The following ATP8A1 variants were observed in gnomAD, a reference collection of about 807,000 sequenced individuals.
ATP8A1 encodes the protein ATPase phospholipid transporting 8A1.
A neutral mutation model predicts 177.7 loss-of-function variants in ATP8A1; 90 were observed. The observed-to-expected ratio is 0.51, with a 90% CI of 0.43 to 0.60. ATP8A1 has a LOEUF of 0.60. Ranked by LOEUF, ATP8A1 falls within the 20% of genes least tolerant of loss-of-function variation. The probability of loss-of-function intolerance (pLI) is 0.00; values close to 1 mark genes in which losing one functional copy is unlikely to be tolerated. For missense variants in ATP8A1, 1,072 were observed against 1,392.8 expected, an observed-to-expected ratio of 0.77 and a Z score of 3.67; for synonymous variants, 493 against 485.9, an observed-to-expected ratio of 1.01 and a Z score of -0.19.
rs773162461 is a variant in ATP8A1, at chr4:42,544,021, T to C, written c.1653-35A>G. The C allele has an allele frequency of 3.2e-6, 5 of 1,538,572 alleles. No individual in the cohort carries two copies. In the East Asian group the frequency reaches 9.0e-5, roughly 28 times the overall value. On this transcript the variant is annotated intron_variant, in intron 19 of 36. Transcript: ENST00000381668. ...AGAGGTTTTGCATAATGTGTCATCATACCAAGGATATGCATGTATGTGTTT... is the reference window on the plus strand; with the variant it reads ...AGAGGTTTTGCATAATGTGTCATCACACCAAGGATATGCATGTATGTGTTT...
intron 33 of ATP8A1, among the ~76,000 whole-genome samples, chr4:42,424,068 T>C (rs1359581149): frequency 2.0e-5 from 3 of 152,144 alleles, no homozygotes; most frequent in Non-Finnish European, 2.9e-5. Context: ...AAAACAACAA[T>C]TTGATTATTT....
At chr4:42,604,310 CTTAA>C (rs971863329) in intron 5 of ATP8A1, among the ~76,000 whole-genome samples, 11 of 152,148 alleles carry the variant, frequency 7.2e-5, no homozygotes, top group African/African-American at 2.7e-4. Flanking sequence ...TTACTGTATA[CTTAA>C]TTAAACAGGA....
rs553922327 is a variant in ATP8A1 at position 42,575,678 on chromosome 4, G to A, written c.1150C>T (p.Pro384Ser). 6.8e-6 allele frequency: 11 copies of A among 1,613,404 alleles called. No individual in the cohort carries two copies. The highest frequency in any genetic ancestry group is 1.3e-5 in the African/African-American group (1 of 75,010). ...CGAGCCATAGCAGCAGTGTCTGTGG[G>A]TTCATAGTGCATGTCAAGATCCTTT... is the stretch of plus-strand genomic sequence containing the variant. ...INWDLDMHYE[P>S]TDTAAMARTS... The change falls in exon 13 of 37, where the codon CCC becomes TCC. Residue 384 changes from proline (P) to serine (S), a missense_variant. Physicochemically the swap from Pro to Ser is moderately conservative, Grantham distance 74. This residue lies in a region of ATP8A1 where 388 missense variants were observed against 471.7 expected (regional missense o/e 0.82). Coordinates refer to ENST00000381668, the MANE Select transcript of ATP8A1 (RefSeq NM_006095.2).
At chr4:42,625,912 C>A (rs1577726797) in intron 2 of ATP8A1, 199 bp from the exon 3 acceptor site, 2 of 387,914 alleles carry the variant, frequency 5.2e-6, no homozygotes. Context: ...ATGAATACCA[C>A]AGATTTTTTT....
chr4:42,584,229 G>A (rs1733395061), intron 9 of ATP8A1, among the ~76,000 whole-genome samples: 1 of 152,120 alleles, frequency 6.6e-6, no homozygotes, highest in South Asian at 2.1e-4. Context: ...GGGAGATAAG[G>A]TATACCATAA....
intron 24 of ATP8A1, among the ~76,000 whole-genome samples, chr4:42,496,019 G>T (rs1160544762): frequency 6.6e-6 from 1 of 152,204 alleles, no homozygotes; most frequent in East Asian, 1.9e-4. Flanking sequence ...TCACAAAATG[G>T]AGGCAGGTAG....
intron 1 of ATP8A1, among the ~76,000 whole-genome samples, chr4:42,634,046 T>G (rs1426257495): frequency 6.6e-6 from 1 of 152,184 alleles, no homozygotes; most frequent in East Asian, 1.9e-4. Context: ...GAATTTATAT[T>G]CTTTATGCAG....
At chr4:42,598,809 GA>G (rs760121338) in intron 6 of ATP8A1, among the ~76,000 whole-genome samples, 7 of 152,032 alleles carry the variant, frequency 4.6e-5, no homozygotes, top group Non-Finnish European at 1.0e-4. Context: ...GTTAATTTTT[GA>G]ATATTTATCA....
chr4:42,619,973 C>G (rs1353639989), intron 4 of ATP8A1, among the ~76,000 whole-genome samples: 2 of 152,172 alleles, frequency 1.3e-5, no homozygotes, highest in Admixed American at 1.3e-4. Flanking sequence ...CCCTGATGCC[C>G]ACCATCACGT....
intron 23 of ATP8A1, among the ~76,000 whole-genome samples, chr4:42,505,457 A>G (rs972873732): frequency 1.3e-5 from 2 of 151,978 alleles, no homozygotes; most frequent in African/African-American, 4.8e-5. Context: ...GTTTTATCAT[A>G]TTTGTGTTTT....
At chr4:42,532,970 A>G (rs1471394387) in intron 20 of ATP8A1, among the ~76,000 whole-genome samples, 1 of 152,134 alleles carries the variant, frequency 6.6e-6, no homozygotes, top group Non-Finnish European at 1.5e-5. Flanking sequence ...ACTAATGATA[A>G]TCCCACCACC....
chr4:42,511,636 C>T (rs891721629), intron 22 of ATP8A1, among the ~76,000 whole-genome samples: 1 of 152,042 alleles, frequency 6.6e-6, no homozygotes, highest in Non-Finnish European at 1.5e-5. Context: ...TTTAAAAAGG[C>T]ACATAAATGT....
chr4:42,470,857 T>C (rs1720318973), intron 25 of ATP8A1, among the ~76,000 whole-genome samples: 1 of 152,190 alleles, frequency 6.6e-6, no homozygotes, highest in Admixed American at 6.5e-5. Flanking sequence ...AGTGAGGGGA[T>C]CTGCTGTGCT....
chr4:42,580,320 T>TTTAG (rs139343716), intron 10 of ATP8A1, among the ~76,000 whole-genome samples: 3,571 of 152,254 alleles, frequency 0.023, 112 homozygotes, highest in African/African-American at 0.08. Flanking sequence ...TCTAGAAACA[T>TTTAG]TTAGTGTTTC....
chr4:42,448,407 T>TTTTTTTTTTTTTTTTTTTTG, intron 30 of ATP8A1, among the ~76,000 whole-genome samples: 1 of 124,432 alleles, frequency 8.0e-6, no homozygotes, highest in Non-Finnish European at 1.7e-5. Context: ...TTTTCTTTTT[T>TTTTTTTTTTTTTTTTTTTTG]TTTTTTTTGA....
chr4:42,621,685 C>A (rs1007487108), intron 4 of ATP8A1, among the ~76,000 whole-genome samples: 2 of 152,158 alleles, frequency 1.3e-5, no homozygotes, highest in African/African-American at 4.8e-5. Context: ...ATTAAACTAC[C>A]ATTCTTTACA....
In ATP8A1 at chr4:42,581,659, T is replaced by C. The variant is rs138921120; in HGVS notation, c.796A>G (p.Ile266Val). 4 of 1,614,006 alleles carry C rather than the reference T, an allele frequency of 2.5e-6. No homozygotes were observed. The highest frequency in any genetic ancestry group is 2.5e-6 in the Non-Finnish European group (3 of 1,179,990). Reference sequence around the variant, plus strand: ...GTGTCATGTCCAGTGTAGACAACTATTCCATGAACCCACTGTGTATTTCTC... The same window carrying C: ...GTGTCATGTCCAGTGTAGACAACTACTCCATGAACCCACTGTGTATTTCTC... ...QLRNTQWVHG[I>V]VVYTGHDTKL... is the part of the protein sequence containing the mutation. The change falls in exon 10 of 37, where the codon ATA (isoleucine) becomes GTA (valine). Residue 266 changes from isoleucine to valine, a missense_variant. Physicochemically the swap from Ile to Val is conservative, Grantham distance 29 (BLOSUM62 3). Around this residue, in one of 5 missense-constraint regions of ATP8A1, gnomAD observed 344 missense variants for 393.5 expected, o/e 0.87. Coordinates refer to ENST00000381668, the MANE Select transcript of ATP8A1 (RefSeq NM_006095.2).
intron 18 of ATP8A1, among the ~76,000 whole-genome samples, chr4:42,549,782 G>C (rs1729309712): frequency 6.6e-6 from 1 of 151,862 alleles, no homozygotes. Flanking sequence ...CTGGGTGACA[G>C]AGCAAGACCC....
chr4:42,516,092 T>C (rs1438959850), intron 22 of ATP8A1, among the ~76,000 whole-genome samples: 1 of 152,220 alleles, frequency 6.6e-6, no homozygotes, highest in Admixed American at 6.5e-5. Flanking sequence ...TTTAAATGAA[T>C]AATTCATTTA....
Sources: gnomAD v4.1 joint callset for allele counts (sites outside exome capture counted in the v4.1 genomes callset) on GRCh38, gnomAD v4.1.1 for gene constraint, gnomAD v4.1.1 regional missense constraint, MANE v1.5 for transcripts, NCBI Gene and HGNC (gene_info 2026-07-23, HGNC 2026-07-21) for gene names.